The following CEP83 variants were observed in gnomAD, a reference collection of about 807,000 sequenced individuals.
CEP83 encodes centrosomal protein 83, also known as centrosomal protein of 83 kDa.
In CEP83, 70 loss-of-function variants were observed where a neutral mutation model predicts 101.9. That is an observed-to-expected ratio of 0.69 (90% CI 0.57 to 0.84). The LOEUF (loss-of-function observed/expected upper bound fraction) is 0.84, where lower values mean the gene tolerates loss of function less well. Ranked by LOEUF, CEP83 falls within the 40% of genes least tolerant of loss-of-function variation. The pLI, the probability that CEP83 is intolerant of heterozygous loss-of-function variation, is 0.00. For missense variants in CEP83, 715 were observed against 787.2 expected (o/e 0.91, Z 1.10); for synonymous variants, 264 against 267.9 (o/e 0.99, Z 0.14).
At chr12:94,344,643 T>C (rs1276388926) in intron 11 of CEP83, among the ~76,000 whole-genome samples, 1 of 152,094 alleles carries the variant, frequency 6.6e-6, no homozygotes, top group Non-Finnish European at 1.5e-5. Context: ...ATATATACAA[T>C]GAAAACTGCA....
intron 11 of CEP83, among the ~76,000 whole-genome samples, chr12:94,347,259 T>G (rs1017224172): frequency 1.3e-5 from 2 of 151,842 alleles, no homozygotes; most frequent in Non-Finnish European, 2.9e-5. Context: ...GGCCAAAATA[T>G]TTGAACAGAA....
intron 15 of CEP83, chr12:94,312,611 C>A (rs1166533611): frequency 3.0e-6 from 3 of 985,292 alleles, no homozygotes; most frequent in South Asian, 4.7e-5. Flanking sequence ...CAGAACTATG[C>A]AATAGCTACA....
At chr12:94,373,934 A>C (rs2061411905) in intron 8 of CEP83, among the ~76,000 whole-genome samples, 1 of 152,210 alleles carries the variant, frequency 6.6e-6, no homozygotes, top group African/African-American at 2.4e-5. Flanking sequence ...TGGAATCTTT[A>C]CATACAAGAC....
At chr12:94,304,858 C>T (rs1362554731), downstream of CEP83, among the ~76,000 whole-genome samples, 3 of 152,196 alleles carry the variant, frequency 2.0e-5, no homozygotes, top group South Asian at 2.1e-4. Flanking sequence ...GAAATACTTG[C>T]CTGCATGTTG....
At chr12:94,409,805 A>T (rs923161770) in intron 4 of CEP83, among the ~76,000 whole-genome samples, 4 of 152,090 alleles carry the variant, frequency 2.6e-5, no homozygotes, top group Admixed American at 6.5e-5. Context: ...TGCCTCCACC[A>T]TCACATAGTG....
At position 94,331,844 on chromosome 12, in the gene CEP83, T is replaced by C. The variant is rs1239514637; in HGVS notation, c.1578-15A>G. ...CTTCCAATGTCCTGTCAGAAGAATG[T>C]ATGTAAAACATGGAAGTTAAATAAG... is the stretch of plus-strand genomic sequence containing the variant. On this transcript the variant is annotated splice_polypyrimidine_tract_variant and intron_variant, in intron 13 of 16. Coordinates refer to ENST00000397809, the MANE Select transcript of CEP83 (RefSeq NM_016122.3). 1 of 1,608,924 alleles carries C rather than the reference T, an allele frequency of 6.2e-7. No individual in the cohort carries two copies. The highest frequency in any genetic ancestry group is 8.5e-7 in the Non-Finnish European group (1 of 1,175,714).
rs532965970 is a variant in CEP83 at position 94,401,038 on chromosome 12, T to C, written c.418-57A>G. ...TAAACAAAATTCGTACTCACTCCAA[T>C]AGTCACTTTTACAAATATAATTTTA... is the stretch of plus-strand genomic sequence containing the variant. On this transcript the variant is annotated intron_variant, in intron 5 of 16. Coordinates refer to ENST00000397809, the MANE Select transcript of CEP83 (RefSeq NM_016122.3). 7.7e-5 allele frequency: 71 copies of C among 924,412 alleles called. 1 individual carries two copies. The East Asian group carries it at 1.6e-3, about 20-fold the overall frequency. 57.3% of individuals were successfully genotyped at this position (924,412 alleles called of 1,614,324 possible).
intron 6 of CEP83, among the ~76,000 whole-genome samples, chr12:94,390,187 T>C (rs2062430141): frequency 6.6e-6 from 1 of 152,186 alleles, no homozygotes; most frequent in Non-Finnish European, 1.5e-5. Context: ...GGCACCCGTG[T>C]AGCATAACTG....
the CEP83 span, chr12:94,294,496 G>T: frequency 1.5e-6 from 2 of 1,310,004 alleles, no homozygotes; most frequent in Non-Finnish European, 2.2e-6. Context: ...ATATCAAATG[G>T]ATCCACTATA....
the CEP83 span, among the ~76,000 whole-genome samples, chr12:94,297,855 A>G: frequency 1.3e-5 from 2 of 152,246 alleles, no homozygotes; most frequent in South Asian, 2.1e-4. Flanking sequence ...TCATTTTAAA[A>G]TTAAGAATTC....
At chr12:94,274,155 TAAA>T in the CEP83 span, among the ~76,000 whole-genome samples, 1,706 of 45,132 alleles carry the variant, frequency 0.038, 16 homozygotes, top group East Asian at 0.091. Context: ...ACCCTGTCTC[TAAA>T]AAAAAAAAAA....
At position 94,360,228 on chromosome 12, in the gene CEP83, T is replaced by C. The variant is rs141577605; in HGVS notation, c.1343+7566A>G. Among the ~76,000 whole-genome samples, 1,148 of 152,190 alleles carry C rather than the reference T, an allele frequency of 7.5e-3. 6 individuals are homozygous for C. The highest frequency in any genetic ancestry group is 0.012 in the Non-Finnish European group (803 of 67,998). On this transcript the variant is annotated intron_variant, in intron 11 of 16. Transcript: ENST00000397809. ...TAAGAACTAGAACAATACAAGGATG[T>C]TCACCCTTGTCAATCTTATTCAACA...
At chr12:94,451,793 C>T (rs1450570417) in intron 1 of CEP83, among the ~76,000 whole-genome samples, 1 of 152,098 alleles carries the variant, frequency 6.6e-6, no homozygotes, top group Non-Finnish European at 1.5e-5. Flanking sequence ...AATTCCACTC[C>T]TAGGAATTTA....
In CEP83 at chr12:94,308,666, A is replaced by G. The variant is rs1969345266; in HGVS notation, c.*147T>C. ...ATCTTAAAATCCTGACAGTCATACA[A>G]TACAGCATGTAGTAGGTACCTTTTC... is the stretch of plus-strand genomic sequence containing the variant. On this transcript the variant is annotated 3_prime_UTR_variant, in exon 17 of 17. Coordinates refer to ENST00000397809, the MANE Select transcript of CEP83 (RefSeq NM_016122.3). The G allele has an allele frequency of 3.4e-6, 2 of 589,984 alleles. No individual in the cohort carries two copies. Among genetic ancestry groups the G allele is most frequent in the Non-Finnish European group, 3.1e-6 (1 of 327,128 alleles). 36.5% of individuals were successfully genotyped at this position (589,984 alleles called of 1,614,324 possible). A position where few individuals can be genotyped will look rare whatever the true frequency, so the allele number is the denominator to read the frequency against.
intron 1 of CEP83, among the ~76,000 whole-genome samples, chr12:94,443,293 G>A (rs2066556147): frequency 1.3e-5 from 2 of 148,330 alleles, no homozygotes; most frequent in African/African-American, 4.9e-5. Flanking sequence ...ATACAGTTAT[G>A]CCAAATTAAA....
At chr12:94,365,660 C>T (rs1258906570) in intron 11 of CEP83, among the ~76,000 whole-genome samples, 2 of 151,408 alleles carry the variant, frequency 1.3e-5, no homozygotes, top group East Asian at 3.9e-4. Context: ...ATCTCAGCTA[C>T]TCAGGAGGCA....
chr12:94,295,767 A>T, the CEP83 span, among the ~76,000 whole-genome samples: 1 of 152,284 alleles, frequency 6.6e-6, no homozygotes, highest in South Asian at 2.1e-4. Flanking sequence ...CAACTTGACC[A>T]GGGCCCTCCA....
chr12:94,377,890 T>C (rs2137156595), intron 7 of CEP83, among the ~76,000 whole-genome samples: 1 of 152,322 alleles, frequency 6.6e-6, no homozygotes, highest in South Asian at 2.1e-4. Flanking sequence ...ACTGACAACT[T>C]TTAATTCAGA....
At chr12:94,326,988 A>C (rs2058998227) in intron 14 of CEP83, among the ~76,000 whole-genome samples, 1 of 152,106 alleles carries the variant, frequency 6.6e-6, no homozygotes, top group South Asian at 2.1e-4. Flanking sequence ...AAACTAATAT[A>C]GTGCCTGACT....
Sources: allele counts gnomAD v4.1 joint callset (sites outside exome capture counted in the v4.1 genomes callset), GRCh38; gene constraint gnomAD v4.1.1; transcripts MANE v1.5; gene names NCBI Gene and HGNC (gene_info 2026-07-23, HGNC 2026-07-21).